The following MKLN1 variants were observed in gnomAD, a reference collection of about 807,000 sequenced individuals.
The protein encoded by MKLN1 is muskelin.
MKLN1 carries 18 observed loss-of-function variants against 99.0 expected under a neutral mutation model. That is an observed-to-expected ratio of 0.18 (90% CI 0.13 to 0.27). The LOEUF is 0.27. Among genes scored for constraint, MKLN1 ranks in the 10% least tolerant of loss-of-function variants. The pLI is 1.00. For synonymous variants in MKLN1, 288 were observed against 293.2 expected, an observed-to-expected ratio of 0.98 and a Z score of 0.18; for missense variants, 621 against 875.9, an observed-to-expected ratio of 0.71 and a Z score of 3.67.
In MKLN1 at chr7:131,385,343, C is replaced by CT. The variant is rs78876928; in HGVS notation, c.169-1765dup. Among the ~76,000 whole-genome samples the CT allele has an allele frequency of 5.5e-4, 80 of 146,204 alleles. 1 individual carries two copies. In the Middle Eastern group the frequency reaches 0.011, roughly 20 times the overall value. On this transcript the variant is annotated intron_variant, in intron 2 of 17. Coordinates refer to ENST00000352689, the MANE Select transcript of MKLN1 (RefSeq NM_013255.5). ...CATGTACGACTGTTTGTTTGTATAC[C>CT]TTTTTTTTTTTTCCTCATTTCATTT...
rs146146505 is a variant in MKLN1, at chr7:131,271,202, C to G, written c.-179+68228C>G. Among the ~76,000 whole-genome samples the G allele has an allele frequency of 3.6e-3, 541 of 152,230 alleles. 5 individuals carry two copies. Among genetic ancestry groups the G allele is most frequent in the African/African-American group, 0.012 (495 of 41,546 alleles). ...GGAAAAGGAGGGGGCCTACATCTGC[C>G]TACCTAGGTCAGGGAAGGCTTCACA... On this transcript the variant is annotated intron_variant, in intron 3 of 7. Transcript: ENST00000416992.
At chr7:131,165,403 T>C (rs1330091736) in intron 2 of MKLN1, among the ~76,000 whole-genome samples, 1 of 152,072 alleles carries the variant, frequency 6.6e-6, no homozygotes, top group Non-Finnish European at 1.5e-5. Context: ...GCCAGGCTGG[T>C]CTCGAACTCC....
intron 3 of MKLN1, among the ~76,000 whole-genome samples, chr7:131,275,597 CT>C (rs1161252579): frequency 1.3e-4 from 4 of 30,448 alleles, no homozygotes; most frequent in Non-Finnish European, 2.9e-4. Context: ...TTTTTTGGTA[CT>C]TTTTTGTATT....
intron 3 of MKLN1, among the ~76,000 whole-genome samples, chr7:131,288,651 C>A (rs1338378146): frequency 1.3e-5 from 2 of 152,208 alleles, no homozygotes; most frequent in Non-Finnish European, 2.9e-5. Flanking sequence ...GCACACAGTG[C>A]CGCCCTAGCA....
intron 2 of MKLN1, among the ~76,000 whole-genome samples, chr7:131,189,830 C>T (rs1418861225): frequency 6.6e-6 from 1 of 152,076 alleles, no homozygotes; most frequent in African/African-American, 2.4e-5. Context: ...AGGAACGGAG[C>T]TGTTGATGTT....
At chr7:131,230,430 G>A (rs964613926) in intron 3 of MKLN1, among the ~76,000 whole-genome samples, 1 of 152,164 alleles carries the variant, frequency 6.6e-6, no homozygotes, top group Non-Finnish European at 1.5e-5. Flanking sequence ...CAGTGGTGGG[G>A]ATGATGAGGA....
At chr7:131,271,172 G>C (rs1006878352) in intron 3 of MKLN1, among the ~76,000 whole-genome samples, 9 of 152,134 alleles carry the variant, frequency 5.9e-5, no homozygotes, top group Admixed American at 5.9e-4. Flanking sequence ...AGTGCAGTGG[G>C]ACCAGGAAAA....
intron 7 of MKLN1, among the ~76,000 whole-genome samples, chr7:131,412,437 A>G (rs1356429093): frequency 6.6e-6 from 1 of 152,238 alleles, no homozygotes; most frequent in Admixed American, 6.5e-5. Flanking sequence ...CCAGCTACTA[A>G]TAAAAACTAG....
chr7:131,258,144 CT>C (rs1797683922), intron 3 of MKLN1, among the ~76,000 whole-genome samples: 1 of 100,178 alleles, frequency 1.0e-5, no homozygotes, highest in Non-Finnish European at 2.4e-5. Flanking sequence ...AAAAAAAAAG[CT>C]CCTTTTTTTT....
chr7:131,327,791 A>G (rs1406883881), upstream of MKLN1: 3 of 1,450,054 alleles, frequency 2.1e-6, no homozygotes, highest in Admixed American at 8.1e-5. Context: ...CGGGGCGGGG[A>G]GCGCGGGCGG....
intron 1 of MKLN1, among the ~76,000 whole-genome samples, chr7:131,120,548 C>CAAAA (rs55945614): frequency 0.044 from 4,246 of 97,326 alleles, 275 homozygotes; most frequent in African/African-American, 0.1. Flanking sequence ...GACTCCCTCT[C>CAAAA]AAAAAAAAAA....
At chr7:131,322,399 G>C (rs983345969) in intron 3 of MKLN1, among the ~76,000 whole-genome samples, 6 of 152,076 alleles carry the variant, frequency 3.9e-5, no homozygotes, top group Non-Finnish European at 5.9e-5. Context: ...ACCTGAGACC[G>C]GATAATTTAT....
At chr7:131,373,277 C>G (rs1793526042) in intron 1 of MKLN1, among the ~76,000 whole-genome samples, 1 of 151,996 alleles carries the variant, frequency 6.6e-6, no homozygotes, top group Non-Finnish European at 1.5e-5. Flanking sequence ...TTATCTTAAT[C>G]TCCAATTTTT....
chr7:131,257,327 A>C (rs1312264288), intron 3 of MKLN1, among the ~76,000 whole-genome samples: 3 of 152,242 alleles, frequency 2.0e-5, no homozygotes. Flanking sequence ...TGATAAATTA[A>C]CATGTGCAGA....
chr7:131,417,848 A>T (rs530510172), intron 8 of MKLN1, among the ~76,000 whole-genome samples: 2 of 152,324 alleles, frequency 1.3e-5, no homozygotes, highest in East Asian at 1.9e-4. Context: ...TGGTGGTACA[A>T]TTACCAGTGA....
rs1796282423 is a variant in MKLN1 at position 131,175,271 on chromosome 7, A to T, written c.-296-27586A>T. Among the ~76,000 whole-genome samples, 4 of 135,512 alleles carry T rather than the reference A, an allele frequency of 3.0e-5. No homozygotes were observed. The South Asian group carries it at 9.1e-4, about 31-fold the overall frequency. The allele number at this position is 135,512 out of a possible 152,430, so 88.9% of individuals were successfully genotyped here. A position where few individuals can be genotyped will look rare whatever the true frequency, so the allele number is the denominator to read the frequency against. On this transcript the variant is annotated intron_variant, in intron 2 of 7. Transcript: ENST00000416992. Reference sequence around the variant, plus strand: ...GGATAGATAGATAGATAGATAGAGTAGGTGGAAGAAACTTCTTCCTGATTT... The same window carrying T: ...GGATAGATAGATAGATAGATAGAGTTGGTGGAAGAAACTTCTTCCTGATTT...
At chr7:131,388,222 C>T (rs1264059666) in intron 3 of MKLN1, among the ~76,000 whole-genome samples, 2 of 151,964 alleles carry the variant, frequency 1.3e-5, no homozygotes, top group East Asian at 3.9e-4. Flanking sequence ...GGCCCATTAA[C>T]ATAATATTTT....
intron 1 of MKLN1, among the ~76,000 whole-genome samples, chr7:131,370,907 T>G (rs865797905): frequency 6.6e-6 from 1 of 152,160 alleles, no homozygotes; most frequent in African/African-American, 2.4e-5. Flanking sequence ...GGAGAGTTAC[T>G]TAGTTGGCTT....
intron 1 of MKLN1, among the ~76,000 whole-genome samples, chr7:131,345,042 G>A (rs1325328555): frequency 6.6e-6 from 1 of 152,140 alleles, no homozygotes; most frequent in African/African-American, 2.4e-5. Context: ...CTGACCTCAG[G>A]CGATCCACCC....
Sources: gnomAD v4.1 joint callset for allele counts (sites outside exome capture counted in the v4.1 genomes callset) on GRCh38, gnomAD v4.1.1 for gene constraint, MANE v1.5 for transcripts, NCBI Gene and HGNC (gene_info 2026-07-23, HGNC 2026-07-21) for gene names.